Variants in PKNOX1 observed in about 807,000 individuals in gnomAD.
The protein encoded by PKNOX1 is homeobox protein PKNOX1.
PKNOX1 carries 15 observed loss-of-function variants against 51.9 expected under a neutral mutation model. The observed-to-expected ratio is 0.29, with a 90% confidence interval of 0.19 to 0.45. The LOEUF is 0.45. Among genes scored for constraint, PKNOX1 ranks in the 20% least tolerant of loss-of-function variants. The pLI, the probability that PKNOX1 is intolerant of heterozygous loss-of-function variation, is 1.00. For missense variants in PKNOX1, 462 were observed against 547.5 expected, an observed-to-expected ratio of 0.84 and a Z score of 1.56; for synonymous variants, 219 against 211.1, an observed-to-expected ratio of 1.04 and a Z score of -0.32.
chr21:42,998,436 AC>A (rs1360366125), intron 1 of PKNOX1, among the ~76,000 whole-genome samples: 1 of 152,042 alleles, frequency 6.6e-6, no homozygotes, highest in Admixed American at 6.6e-5. Flanking sequence ...ATGTTTCAAA[AC>A]CAATCATGCC....
At chr21:43,019,409 CA>C (rs112889279) in intron 7 of PKNOX1, among the ~76,000 whole-genome samples, 1 of 146,394 alleles carries the variant, frequency 6.8e-6, no homozygotes, top group Non-Finnish European at 1.5e-5. Flanking sequence ...ATAAAATAAA[CA>C]AAAAAAAAAC....
intron 1 of PKNOX1, among the ~76,000 whole-genome samples, chr21:42,989,725 C>A (rs1270721259): frequency 6.6e-6 from 1 of 152,080 alleles, no homozygotes; most frequent in African/African-American, 2.4e-5. Flanking sequence ...AGCCAAAAAG[C>A]AGATTTAAAA....
rs1327975651 is a variant in PKNOX1, at chr21:43,033,018, T to C, written c.*2917T>C. 1.3e-5 allele frequency: 2 copies of C among 152,120 alleles called. No individual in the cohort carries two copies. The highest frequency in any genetic ancestry group is 3.8e-4 in the East Asian group (2 of 5,202). The allele number at this position is 152,120 out of a possible 1,614,324, so 9.4% of individuals were successfully genotyped here. On this transcript the variant is annotated 3_prime_UTR_variant, in exon 11 of 11. Transcript: ENST00000291547. ...TTTCGTTTTAAATGATCAGATTCGG[T>C]TCCAGTTTTATTCTTGTTGAGTTTT...
intron 1 of PKNOX1, among the ~76,000 whole-genome samples, chr21:43,000,746 G>T (rs1422405972): frequency 6.6e-6 from 1 of 152,162 alleles, no homozygotes; most frequent in South Asian, 2.1e-4. Flanking sequence ...AAGCCAGCAT[G>T]GTGGTGTGGG....
At chr21:42,992,358 A>G (rs1325089135) in intron 1 of PKNOX1, among the ~76,000 whole-genome samples, 2 of 152,202 alleles carry the variant, frequency 1.3e-5, no homozygotes, top group Admixed American at 6.5e-5. Flanking sequence ...CCTCTGGTAC[A>G]TCTGTGTCCT....
chr21:43,007,733 T>C (rs1415496060), intron 3 of PKNOX1, 115 bp downstream of exon 3: 1 of 1,150,462 alleles, frequency 8.7e-7, no homozygotes, highest in Non-Finnish European at 1.3e-6. Flanking sequence ...GCCATTATGA[T>C]GTGATAACTG....
intron 1 of PKNOX1, among the ~76,000 whole-genome samples, chr21:42,985,491 C>T (rs968650161): frequency 2.6e-5 from 4 of 151,828 alleles, no homozygotes; most frequent in African/African-American, 7.3e-5. Flanking sequence ...CAAGGCACCA[C>T]ACCTGGCTCA....
chr21:43,006,197 C>CACTGCAACCTCCT, intron 2 of PKNOX1, among the ~76,000 whole-genome samples: 1 of 152,062 alleles, frequency 6.6e-6, no homozygotes, highest in East Asian at 1.9e-4. Flanking sequence ...GATCTCAGCT[C>CACTGCAACCTCCT]ACTGCAACCT....
intron 1 of PKNOX1, among the ~76,000 whole-genome samples, chr21:42,990,977 A>G (rs948623551): frequency 1.3e-5 from 2 of 152,050 alleles, no homozygotes; most frequent in Admixed American, 6.6e-5. Context: ...AGTCCTTCCT[A>G]GGTTTCGTGA....
intron 1 of PKNOX1, among the ~76,000 whole-genome samples, chr21:42,989,220 A>G (rs2059073236): frequency 6.6e-6 from 1 of 151,700 alleles, no homozygotes; most frequent in Non-Finnish European, 1.5e-5. Flanking sequence ...CTCAAGCAAT[A>G]TTCCCGCCTC....
In PKNOX1 at chr21:43,007,376, T is replaced by C. The variant is rs144119248; in HGVS notation, c.52-115T>C. 1.3e-3 allele frequency: 1,131 copies of C among 882,682 alleles called. 3 individuals carry two copies. Among genetic ancestry groups the C allele is most frequent in the Non-Finnish European group, 1.7e-3 (910 of 540,966 alleles). 54.7% of individuals were successfully genotyped at this position (882,682 alleles called of 1,614,324 possible). The stretch of plus-strand genomic sequence containing the variant: ...TGTTGGTAGCATTCTTTACATATGA[T>C]TGCAGTCATACTGCTGTCTGGCAAT... On this transcript the variant is annotated intron_variant, in intron 2 of 10. Coordinates refer to ENST00000291547, the MANE Select transcript of PKNOX1 (RefSeq NM_004571.5).
chr21:43,019,800 C>G (rs945466912), intron 7 of PKNOX1, among the ~76,000 whole-genome samples: 1 of 152,184 alleles, frequency 6.6e-6, no homozygotes, highest in Non-Finnish European at 1.5e-5. Context: ...CCTCGGCCTC[C>G]CAAAGTGCTG....
chr21:43,025,613 C>T (rs1361209669), intron 9 of PKNOX1, among the ~76,000 whole-genome samples: 1 of 152,140 alleles, frequency 6.6e-6, no homozygotes, highest in African/African-American at 2.4e-5. Flanking sequence ...GTGCGTGTTC[C>T]TAGGTGGCAC....
intron 6 of PKNOX1, 162 bp downstream of exon 6, chr21:43,017,169 C>A: frequency 9.0e-6 from 4 of 443,180 alleles, no homozygotes; most frequent in South Asian, 5.0e-5. Context: ...TGTTAATACT[C>A]AATAACAAAT....
chr21:43,022,723 T>A (rs142128103), intron 8 of PKNOX1, among the ~76,000 whole-genome samples: 66 of 152,156 alleles, frequency 4.3e-4, no homozygotes, highest in African/African-American at 1.5e-3. Context: ...AGAATGTTAG[T>A]GTCGTTCAAT....
In PKNOX1 at chr21:43,032,162, G is replaced by A; in HGVS notation, c.*2061G>A. ...GGTGTGAGCCACCGCGCCCGGCCGA[G>A]AATGACATCTTAAAGCCACCATTGC... On this transcript the variant is annotated 3_prime_UTR_variant, in exon 11 of 11. Coordinates refer to ENST00000291547, the MANE Select transcript of PKNOX1 (RefSeq NM_004571.5). 1 of 456,140 alleles carries A rather than the reference G, an allele frequency of 2.2e-6. No individual in the cohort carries two copies. Among genetic ancestry groups the A allele is most frequent in the Non-Finnish European group, 4.4e-6 (1 of 226,928 alleles). 28.3% of individuals were successfully genotyped at this position (456,140 alleles called of 1,614,324 possible).
intron 1 of PKNOX1, among the ~76,000 whole-genome samples, chr21:42,991,406 A>G (rs933745356): frequency 6.6e-6 from 1 of 152,028 alleles, no homozygotes; most frequent in African/African-American, 2.4e-5. Context: ...AACTATACAG[A>G]GAGGAGTTAT....
At chr21:43,000,020 C>T (rs531956928) in intron 1 of PKNOX1, among the ~76,000 whole-genome samples, 1 of 152,108 alleles carries the variant, frequency 6.6e-6, no homozygotes, top group Non-Finnish European at 1.5e-5. Context: ...CACCTTTGCT[C>T]CAGTTCCCAA....
In PKNOX1 at chr21:43,021,773, G is replaced by A. The variant is rs1287688631; in HGVS notation, c.849+342G>A. 6.6e-6 allele frequency among the ~76,000 whole-genome samples: 1 copy of A among 152,266 alleles called. No homozygotes were observed. Among genetic ancestry groups the A allele is most frequent in the Non-Finnish European group, 1.5e-5 (1 of 68,050 alleles). Reference sequence around the variant, plus strand: ...TGGGGAAGTTGCTGTGTTTCTGTGTGTTGGATTAACAAGGAAGCTGAGATG... The same window carrying A: ...TGGGGAAGTTGCTGTGTTTCTGTGTATTGGATTAACAAGGAAGCTGAGATG... On this transcript the variant is annotated intron_variant, in intron 8 of 10. Coordinates refer to ENST00000291547, the MANE Select transcript of PKNOX1 (RefSeq NM_004571.5). The surrounding 1 kb of genome is among the most constrained non-coding windows in gnomAD (Gnocchi z 4.6).
Sources: gnomAD v4.1 joint callset for allele counts (sites outside exome capture counted in the v4.1 genomes callset) on GRCh38, gnomAD v4.1.1 for gene constraint, Gnocchi (gnomAD v3.1) non-coding constraint, MANE v1.5 for transcripts, NCBI Gene and HGNC (gene_info 2026-07-23, HGNC 2026-07-21) for gene names.